The following APOL3 variants were observed in gnomAD, a reference collection of about 807,000 sequenced individuals.
APOL3 encodes the protein apolipoprotein L3, also known as TNF-inducible protein CG12-1.
APOL3 carries 14 observed loss-of-function variants against 11.6 expected under a neutral mutation model. That is an observed-to-expected ratio of 1.21 (90% confidence interval 0.80 to 1.89). The LOEUF (loss-of-function observed/expected upper bound fraction) is 1.89. APOL3 is among the 40% of genes most tolerant of loss of function. APOL3 has a pLI of 0.00. For missense variants in APOL3, 483 were observed against 492.1 expected (o/e 0.98, Z 0.17); for synonymous variants, 192 against 190.6 (o/e 1.01, Z -0.06).
At chr22:36,140,830 C>A (rs925590645) in exon 3 of APOL3, 2 of 199,610 alleles carry the variant, frequency 1.0e-5, no homozygotes, top group African/African-American at 2.3e-5. Context: ...AAAGTTCTAA[C>A]TCTTCGGCTT....
chr22:36,148,901 T>C, intron 1 of APOL3, 145 bp downstream of exon 2: 1 of 752,482 alleles, frequency 1.3e-6, no homozygotes, highest in Admixed American at 2.0e-5. Flanking sequence ...GGGGACTCCA[T>C]GTGGCCTCTT....
intron 1 of APOL3, chr22:36,154,495 G>A (rs2012405029): frequency 2.4e-6 from 1 of 409,124 alleles, no homozygotes; most frequent in African/African-American, 2.1e-5. Flanking sequence ...TTAACAAGAA[G>A]AGCATCTTAA....
At chr22:36,141,171 C>T (rs772866610) in exon 3 of APOL3, 1 of 1,597,212 alleles carries the variant, frequency 6.3e-7, no homozygotes, top group Non-Finnish European at 8.5e-7. Flanking sequence ...GTATGGCTCA[C>T]CTCCCCTGCT....
At chr22:36,157,542 A>T (rs116402663) in intron 1 of APOL3, among the ~76,000 whole-genome samples, 2,736 of 152,334 alleles carry the variant, frequency 0.018, 73 homozygotes, top group African/African-American at 0.063. Flanking sequence ...TGAGTTGGGA[A>T]GACCTTTCGA....
At chr22:36,141,234 A>G (rs746641501) in exon 3 of APOL3, 1 of 1,614,004 alleles carries the variant, frequency 6.2e-7, no homozygotes, top group African/African-American at 1.3e-5. Context: ...ACGCTGATAG[A>G]TCTGAGTGAG....
chr22:36,149,614 G>A (rs572260867), intron 1 of APOL3, among the ~76,000 whole-genome samples: 5 of 152,308 alleles, frequency 3.3e-5, no homozygotes, highest in Admixed American at 6.5e-5. Flanking sequence ...GGGTGCAACC[G>A]TGGCTCCCAT....
At chr22:36,150,423 C>A (rs903654777) in intron 1 of APOL3, among the ~76,000 whole-genome samples, 1 of 152,120 alleles carries the variant, frequency 6.6e-6, no homozygotes, top group Non-Finnish European at 1.5e-5. Flanking sequence ...TAAGTGGGTA[C>A]CATTTGTATT....
intron 1 of APOL3, chr22:36,149,400 G>C (rs1308184047): frequency 7.7e-7 from 1 of 1,304,096 alleles, no homozygotes; most frequent in Non-Finnish European, 1.0e-6. Context: ...AAGATAATCA[G>C]AGGAAGGGAT....
chr22:36,145,009 C>CAAAAAAAAAAA (rs1312228074), intron 2 of APOL3, among the ~76,000 whole-genome samples: 24 of 37,898 alleles, frequency 6.3e-4, no homozygotes, highest in Non-Finnish European at 1.4e-3. Context: ...GACTCTGTCT[C>CAAAAAAAAAAA]AAAAAAAAAA....
chr22:36,152,211 A>AG (rs1465299182), intron 1 of APOL3, among the ~76,000 whole-genome samples: 5 of 152,032 alleles, frequency 3.3e-5, no homozygotes, highest in African/African-American at 4.8e-5. Flanking sequence ...TCACAGTTTG[A>AG]GAAAAACTGA....
chr22:36,163,830 G>C (rs1406596545), upstream of APOL3, among the ~76,000 whole-genome samples: 1 of 152,248 alleles, frequency 6.6e-6, no homozygotes, highest in Non-Finnish European at 1.5e-5. Flanking sequence ...CCAAACTGAT[G>C]ATGTCTCCAC....
intron 1 of APOL3, 151 bp downstream of exon 1, chr22:36,160,518 G>C: frequency 1.3e-6 from 1 of 763,274 alleles, no homozygotes; most frequent in Non-Finnish European, 2.1e-6. Flanking sequence ...TAAAACCTGG[G>C]TGCAAATTCA....
chr22:36,160,806 A>G (rs2146908809), exon 1 of APOL3: 1 of 1,614,112 alleles, frequency 6.2e-7, no homozygotes, highest in Middle Eastern at 1.6e-4. Context: ...CCCAAAAGGG[A>G]AAGTGAAAGT....
At chr22:36,147,673 G>T (rs132638) in intron 1 of APOL3, among the ~76,000 whole-genome samples, 1 of 151,992 alleles carries the variant, frequency 6.6e-6, no homozygotes, top group East Asian at 1.9e-4. Flanking sequence ...ACTTGGGTGA[G>T]GGGTATTTTG....
upstream of APOL3, chr22:36,160,980 A>C: frequency 8.3e-7 from 1 of 1,208,054 alleles, no homozygotes; most frequent in Non-Finnish European, 1.2e-6. Flanking sequence ...CCTGCCTCCC[A>C]TACTTAGGGT....
At chr22:36,154,087 G>A (rs1005278878) in intron 1 of APOL3, among the ~76,000 whole-genome samples, 2 of 152,166 alleles carry the variant, frequency 1.3e-5, no homozygotes, top group Admixed American at 6.5e-5. Context: ...GCTTCACAGA[G>A]AAACAGGCTG....
At chr22:36,148,870 C>T (rs1407551534) in intron 1 of APOL3, among the ~76,000 whole-genome samples, 176 bp downstream of exon 2, 3 of 152,152 alleles carry the variant, frequency 2.0e-5, no homozygotes, top group Admixed American at 6.5e-5. Flanking sequence ...GACATAGATG[C>T]CCCCACAGAC....
At chr22:36,156,942 C>T in intron 1 of APOL3, 2 of 456,210 alleles carry the variant, frequency 4.4e-6, no homozygotes, top group Admixed American at 2.3e-5. Flanking sequence ...ACAACATGGC[C>T]CAGCTTCAGT....
chr22:36,164,227 C>A (rs2013802275), upstream of APOL3, among the ~76,000 whole-genome samples: 1 of 152,154 alleles, frequency 6.6e-6, no homozygotes, highest in South Asian at 2.1e-4. Flanking sequence ...GTGTTTACAC[C>A]TTCCCTAGCA....
Sources: gnomAD v4.1 joint callset for allele counts (sites outside exome capture counted in the v4.1 genomes callset) on GRCh38, gnomAD v4.1.1 for gene constraint, MANE v1.5 for transcripts, NCBI Gene and HGNC (gene_info 2026-07-23, HGNC 2026-07-21) for gene names.